TBXAS1: variants seen among roughly 807,000 people sequenced by gnomAD.
TBXAS1 encodes thromboxane A synthase 1, also known as thromboxane-A synthase.
TBXAS1 carries 48 observed loss-of-function variants against 60.7 expected under a neutral mutation model. That is an observed-to-expected ratio of 0.79 (90% CI 0.63 to 1.01). TBXAS1 has a LOEUF of 1.01. TBXAS1 is among the 50% of genes least tolerant of loss of function. The probability of loss-of-function intolerance (pLI) is 0.00; values close to 1 mark genes in which losing one functional copy is unlikely to be tolerated. For synonymous variants in TBXAS1, 287 were observed against 269.7 expected (o/e 1.06, Z -0.63); for missense variants, 685 against 686.3 (o/e 1.00, Z 0.02).
At position 139,911,271 on chromosome 7, in the gene TBXAS1, A is replaced by C; in HGVS notation, c.283A>C (p.Met95Leu). The stretch of plus-strand genomic sequence containing the variant: ...GTTTATTGTTATTTCTGAGCCAGAC[A>C]TGATCAAGCAGGTGTTGGTTGAGAA... The part of the protein sequence containing the change: ...RMFIVISEPD[M>L]IKQVLVENFS... The change falls in exon 4 of 13, where the codon ATG (methionine) becomes CTG (leucine). Residue 95 changes from methionine (M) to leucine (L), a missense_variant. Coordinates refer to ENST00000448866, the MANE Select transcript of TBXAS1 (RefSeq NM_001061.7). 6.2e-7 allele frequency: 1 copy of C among 1,614,198 alleles called. No individual in the cohort carries two copies.
In TBXAS1 at chr7:139,845,823, GTT is replaced by G. The variant is rs11330197; in HGVS notation, c.89+16362_89+16363del. Among the ~76,000 whole-genome samples, 933 of 130,176 alleles carry G rather than the reference GTT, an allele frequency of 7.2e-3. 5 individuals carry two copies. The highest frequency in any genetic ancestry group is 0.014 in the African/African-American group (476 of 34,780). The allele number at this position is 130,176 out of a possible 152,430, so 85.4% of individuals were successfully genotyped here. A position where few individuals can be genotyped will look rare whatever the true frequency, so the allele number is the denominator to read the frequency against. On this transcript the variant is annotated intron_variant, in intron 1 of 12. Transcript: ENST00000448866. Reference sequence around the variant, plus strand: ...CAAAATATCATTAAATTGAACTCTAGTTTTTTTTTTTTTTTTTTTAGACAGGG... The same window carrying G: ...CAAAATATCATTAAATTGAACTCTAGTTTTTTTTTTTTTTTTTAGACAGGG...
chr7:139,983,793 T>C (rs1243196581), intron 9 of TBXAS1, among the ~76,000 whole-genome samples: 1 of 152,200 alleles, frequency 6.6e-6, no homozygotes, highest in African/African-American at 2.4e-5. Flanking sequence ...GAGCCCTTTC[T>C]TGTGACTCTA....
At chr7:139,931,651 C>T (rs553383926) in intron 4 of TBXAS1, among the ~76,000 whole-genome samples, 62 of 152,014 alleles carry the variant, frequency 4.1e-4, no homozygotes, top group Non-Finnish European at 8.1e-4. Flanking sequence ...TCTTGTAAGA[C>T]TTATTCACTA....
At chr7:139,932,102 G>A (rs1186212258) in intron 4 of TBXAS1, among the ~76,000 whole-genome samples, 1 of 148,222 alleles carries the variant, frequency 6.7e-6, no homozygotes, top group Non-Finnish European at 1.5e-5. Flanking sequence ...AGGAGGCGGA[G>A]CTTGCAGTGA....
intron 5 of TBXAS1, among the ~76,000 whole-genome samples, chr7:139,945,616 C>T (rs1320091338): frequency 6.6e-6 from 1 of 152,190 alleles, no homozygotes; most frequent in Admixed American, 6.5e-5. Flanking sequence ...CTTCATTAAT[C>T]CATGACAACA....
chr7:139,878,108 T>TGAGAGA (rs3070223), intron 3 of TBXAS1, among the ~76,000 whole-genome samples: 9 of 147,040 alleles, frequency 6.1e-5, no homozygotes, highest in Non-Finnish European at 9.0e-5. Context: ...TGTGTGTGTG[T>TGAGAGA]GAGAGAGAGA....
chr7:139,912,481 G>C (rs1805607082), intron 4 of TBXAS1, among the ~76,000 whole-genome samples: 1 of 152,132 alleles, frequency 6.6e-6, no homozygotes, highest in Non-Finnish European at 1.5e-5. Context: ...CATTCTTTTA[G>C]GGAAGTACGT....
intron 5 of TBXAS1, among the ~76,000 whole-genome samples, chr7:139,940,284 C>G (rs1004255128): frequency 4.6e-5 from 7 of 152,110 alleles, no homozygotes; most frequent in African/African-American, 1.7e-4. Flanking sequence ...GTCCTATATT[C>G]CTCCCCAAAA....
chr7:139,822,623 C>T (rs1275152854), intron 4 of TBXAS1, among the ~76,000 whole-genome samples: 1 of 152,178 alleles, frequency 6.6e-6, no homozygotes, highest in Non-Finnish European at 1.5e-5. Flanking sequence ...TCCCCGAGTC[C>T]CTGTCGTACT....
chr7:139,781,869 G>A (rs1439355107), intron 2 of TBXAS1, among the ~76,000 whole-genome samples: 6 of 142,826 alleles, frequency 4.2e-5, no homozygotes, highest in African/African-American at 1.3e-4. Context: ...AAGGCAGAAA[G>A]GCATCAATTG....
At chr7:139,889,437 G>T (rs1803383365) in intron 3 of TBXAS1, among the ~76,000 whole-genome samples, 1 of 152,192 alleles carries the variant, frequency 6.6e-6, no homozygotes, top group Non-Finnish European at 1.5e-5. Context: ...ACAACATGGT[G>T]ATTCCACCAT....
intron 3 of TBXAS1, among the ~76,000 whole-genome samples, chr7:139,879,829 ATT>A (rs1383081863): frequency 2.4e-5 from 2 of 84,698 alleles, no homozygotes; most frequent in Non-Finnish European, 5.0e-5. Flanking sequence ...CCTTTATCTC[ATT>A]TTGTGTGTGT....
chr7:139,787,127 C>G (rs1442371803), intron 3 of TBXAS1, among the ~76,000 whole-genome samples: 1 of 152,186 alleles, frequency 6.6e-6, no homozygotes, highest in East Asian at 1.9e-4. Context: ...AATAATTCAA[C>G]AGCTTCAAAG....
intron 4 of TBXAS1, among the ~76,000 whole-genome samples, chr7:139,801,698 T>C (rs1797728972): frequency 1.3e-5 from 2 of 152,200 alleles, no homozygotes; most frequent in South Asian, 4.1e-4. Flanking sequence ...TTTTCACTGA[T>C]TGAATTATCT....
At chr7:139,931,042 T>TAC (rs896392952) in intron 4 of TBXAS1, among the ~76,000 whole-genome samples, 4 of 151,488 alleles carry the variant, frequency 2.6e-5, no homozygotes, top group African/African-American at 7.3e-5. Flanking sequence ...TGATACAGAA[T>TAC]ACACACACAC....
intron 4 of TBXAS1, among the ~76,000 whole-genome samples, chr7:139,809,291 GTAGA>G (rs973081121): frequency 7.4e-5 from 11 of 148,412 alleles, no homozygotes; most frequent in Admixed American, 2.7e-4. Context: ...AAATAGATAG[GTAGA>G]TAGATAGACA....
intron 9 of TBXAS1, among the ~76,000 whole-genome samples, chr7:140,003,075 G>T (rs377131958): frequency 7.0e-6 from 1 of 143,188 alleles, no homozygotes; most frequent in South Asian, 2.2e-4. Flanking sequence ...AGTGAGCCGA[G>T]ACCGGGCCAT....
intron 3 of TBXAS1, among the ~76,000 whole-genome samples, chr7:139,880,631 T>C (rs1802624662): frequency 6.6e-6 from 1 of 152,210 alleles, no homozygotes; most frequent in African/African-American, 2.4e-5. Context: ...ATTTGGGAAA[T>C]TGTCCCATTT....
At chr7:139,972,994 C>A (rs190476962) in intron 9 of TBXAS1, among the ~76,000 whole-genome samples, 1 of 151,926 alleles carries the variant, frequency 6.6e-6, no homozygotes, top group African/African-American at 2.4e-5. Flanking sequence ...CTGCGCCCAG[C>A]GAGAAAGGGG....
Sources: gnomAD v4.1 joint callset for allele counts (sites outside exome capture counted in the v4.1 genomes callset) on GRCh38, gnomAD v4.1.1 for gene constraint, MANE v1.5 for transcripts, NCBI Gene and HGNC (gene_info 2026-07-23, HGNC 2026-07-21) for gene names.